Variants in DMD observed in about 807,000 individuals in gnomAD.
The protein encoded by DMD is mutant dystrophin.
DMD carries 63 observed loss-of-function variants against 330.1 expected under a neutral mutation model. That is an observed-to-expected ratio of 0.19 (90% CI 0.16 to 0.24). DMD has a LOEUF of 0.24. Among genes scored for constraint, DMD ranks in the 10% least tolerant of loss-of-function variants. The pLI is 1.00. For synonymous variants in DMD, 1,223 were observed against 959.8 expected (o/e 1.27, Z -5.07); for missense variants, 3,344 against 2,684.1 (o/e 1.25, Z -5.43).
intron 47 of DMD, among the ~76,000 whole-genome samples, chrX:31,875,621 T>C (rs1452852626): frequency 8.9e-6 from 1 of 112,116 alleles, no homozygotes; most frequent in East Asian, 2.8e-4. Flanking sequence ...CTTTTTGGAA[T>C]TTCAAAACAC....
At chrX:31,137,851 G>A (rs1177741109) in intron 76 of DMD, among the ~76,000 whole-genome samples, 3 of 111,416 alleles carry the variant, frequency 2.7e-5, no homozygotes, top group Non-Finnish European at 3.8e-5. Flanking sequence ...ATGCAGTTGA[G>A]CAAAAGCTTT....
intron 55 of DMD, among the ~76,000 whole-genome samples, chrX:31,541,013 C>G (rs997805000): frequency 9.0e-6 from 1 of 111,409 alleles, no homozygotes; most frequent in African/African-American, 3.3e-5. Context: ...GACATAATCA[C>G]TGCAAATTTT....
At chrX:31,208,062 A>C (rs1219541188) in intron 65 of DMD, among the ~76,000 whole-genome samples, 1 of 111,785 alleles carries the variant, frequency 8.9e-6, no homozygotes, top group Non-Finnish European at 1.9e-5. Context: ...ACGGAAAGCT[A>C]CTGGCCCTTA....
chrX:31,512,331 T>G (rs1310016453), intron 55 of DMD, among the ~76,000 whole-genome samples: 2,138 of 106,475 alleles, frequency 0.02, 74 homozygotes, highest in African/African-American at 0.07. Flanking sequence ...AGAAGCTCTT[T>G]AGTTTAATTA....
intron 7 of DMD, among the ~76,000 whole-genome samples, chrX:32,779,208 TC>T (rs2074465370): frequency 9.0e-6 from 1 of 110,561 alleles, no homozygotes; most frequent in African/African-American, 3.3e-5. Flanking sequence ...AGATTTAGTT[TC>T]AAATGAAAGT....
rs1240783262 is a variant in DMD, at chrX:32,441,452, A to C, written c.3787-138T>G. On this transcript the variant is annotated intron_variant, in intron 27 of 78. Transcript: ENST00000357033. ...TTTACTTTGTAGCAGGTAATTCAAA[A>C]TGCAGCTAGACAGTTTCATCATCTA... 11 of 562,744 alleles carry C rather than the reference A, an allele frequency of 2.0e-5. No individual in the cohort carries two copies. The East Asian group carries it at 2.5e-4, about 13-fold the overall frequency. The allele number at this position is 562,744 out of a possible 1,213,427, so 46.4% of individuals were successfully genotyped here. A position where few individuals can be genotyped will look rare whatever the true frequency, so the allele number is the denominator to read the frequency against.
chrX:33,250,363 G>A (rs935984326), intron 1 of DMD, among the ~76,000 whole-genome samples: 1 of 109,105 alleles, frequency 9.2e-6, no homozygotes, highest in Non-Finnish European at 1.9e-5. Flanking sequence ...TCACAGTAGG[G>A]TTGGCTCTCC....
At chrX:31,491,274 T>C (rs1466413199) in intron 57 of DMD, among the ~76,000 whole-genome samples, 1 of 112,387 alleles carries the variant, frequency 8.9e-6, no homozygotes, top group African/African-American at 3.2e-5. Flanking sequence ...GATGTTTTAT[T>C]GCAGTTCTCC....
chrX:31,945,750 T>C (rs1211826488), intron 45 of DMD, among the ~76,000 whole-genome samples: 1 of 111,973 alleles, frequency 8.9e-6, no homozygotes, highest in East Asian at 2.8e-4. Context: ...AGAACTTTCA[T>C]AGGTATGTTG....
intron 7 of DMD, among the ~76,000 whole-genome samples, chrX:32,757,246 T>G (rs2071619805): frequency 9.0e-6 from 1 of 111,506 alleles, no homozygotes; most frequent in Non-Finnish European, 1.9e-5. Flanking sequence ...AGTCTTGTTA[T>G]ATACACCCAA....
intron 13 of DMD, among the ~76,000 whole-genome samples, chrX:32,578,745 G>A (rs946676576): frequency 2.7e-5 from 3 of 111,568 alleles, no homozygotes; most frequent in Non-Finnish European, 3.8e-5. Flanking sequence ...CAGTATTGGC[G>A]TTAAGAGATA....
chrX:32,303,940 C>T (rs747272299), intron 42 of DMD, among the ~76,000 whole-genome samples: 16 of 110,829 alleles, frequency 1.4e-4, no homozygotes, highest in Admixed American at 1.9e-4. Flanking sequence ...CTAGGTTTTA[C>T]GGAGCTTCCA....
chrX:31,250,314 C>A (rs1027536216), intron 63 of DMD, among the ~76,000 whole-genome samples: 1 of 111,676 alleles, frequency 9.0e-6, no homozygotes, highest in African/African-American at 3.3e-5. Flanking sequence ...TCTCTGGTTC[C>A]TTCCTGTAAC....
At chrX:32,809,945 AAG>A (rs1239270948) in intron 6 of DMD, among the ~76,000 whole-genome samples, 40 of 76,326 alleles carry the variant, frequency 5.2e-4, no homozygotes, top group African/African-American at 1.5e-3. Context: ...AAAAAAAAAA[AAG>A]AAAGAAAGAA....
intron 53 of DMD, among the ~76,000 whole-genome samples, chrX:31,658,859 T>C (rs1281591334): frequency 8.9e-6 from 1 of 111,969 alleles, no homozygotes; most frequent in African/African-American, 3.2e-5. Flanking sequence ...CATATCAACC[T>C]GAAATTTCTA....
At chrX:32,397,348 T>C (rs140481346) in intron 30 of DMD, among the ~76,000 whole-genome samples, 1,322 of 111,792 alleles carry the variant, frequency 0.012, 11 homozygotes, top group South Asian at 0.074. Flanking sequence ...TAAACTCTAA[T>C]GGAAACAAAG....
At chrX:32,419,096 TTAAG>T (rs777008806) in intron 29 of DMD, among the ~76,000 whole-genome samples, 44 of 110,630 alleles carry the variant, frequency 4.0e-4, no homozygotes, top group African/African-American at 1.4e-3. Flanking sequence ...TCATATGGTG[TTAAG>T]TAATAGATCC....
At chrX:31,904,512 G>A (rs1353544398) in intron 47 of DMD, among the ~76,000 whole-genome samples, 1 of 111,832 alleles carries the variant, frequency 8.9e-6, no homozygotes, top group Non-Finnish European at 1.9e-5. Flanking sequence ...CTTTTGTCTT[G>A]CTAGCAATTT....
intron 60 of DMD, among the ~76,000 whole-genome samples, chrX:31,391,478 A>G (rs2060681052): frequency 1.8e-5 from 2 of 111,861 alleles, no homozygotes; most frequent in South Asian, 7.4e-4. Flanking sequence ...TGTCTTGCAA[A>G]TTCCTTGGCA....
Sources: gnomAD v4.1 joint callset for allele counts (sites outside exome capture counted in the v4.1 genomes callset) on GRCh38, gnomAD v4.1.1 for gene constraint, MANE v1.5 for transcripts, NCBI Gene and HGNC (gene_info 2026-07-23, HGNC 2026-07-21) for gene names.